RASGEF1A: variants seen among roughly 807,000 people sequenced by gnomAD.
RASGEF1A encodes the protein RasGEF domain family member 1A, also known as ras-GEF domain-containing family member 1A.
RASGEF1A carries 18 observed loss-of-function variants against 56.4 expected under a neutral mutation model. The ratio of observed to expected loss-of-function variants is 0.32; its 90% CI spans 0.22 to 0.47. The LOEUF is 0.47. Ranked by LOEUF, RASGEF1A falls within the 20% of genes least tolerant of loss-of-function variation. The probability of loss-of-function intolerance (pLI) is 1.00; values close to 1 mark genes in which losing one functional copy is unlikely to be tolerated. For missense variants in RASGEF1A, 422 were observed against 627.1 expected (o/e 0.67, Z 3.49); for synonymous variants, 245 against 242.6 (o/e 1.01, Z -0.09).
intron 1 of RASGEF1A, among the ~76,000 whole-genome samples, chr10:43,241,528 C>T (rs1187685055): frequency 6.6e-6 from 1 of 151,984 alleles, no homozygotes; most frequent in East Asian, 1.9e-4. Context: ...TATAACCCTA[C>T]AGGCAACAGG....
chr10:43,251,091 G>C (rs145690434), intron 1 of RASGEF1A, among the ~76,000 whole-genome samples: 2 of 152,228 alleles, frequency 1.3e-5, no homozygotes, highest in Non-Finnish European at 2.9e-5. Flanking sequence ...GATGGAGGCC[G>C]GGAAGGTGCC....
At chr10:43,208,811 G>C in intron 1 of RASGEF1A, 1 of 985,532 alleles carries the variant, frequency 1.0e-6, no homozygotes, top group Non-Finnish European at 1.2e-6. Context: ...CTTCGAGGAG[G>C]GTCTCCAGGG....
intron 1 of RASGEF1A, chr10:43,207,175 C>G (rs1388530464): frequency 1.0e-6 from 1 of 985,370 alleles, no homozygotes; most frequent in Non-Finnish European, 1.2e-6. Flanking sequence ...CAGAGCCAGC[C>G]TCAACCTCCT....
At chr10:43,200,939 AC>A in intron 4 of RASGEF1A, 51 bp from the exon 5 acceptor site, 1 of 1,523,010 alleles carries the variant, frequency 6.6e-7, no homozygotes, top group Non-Finnish European at 9.1e-7. Context: ...CAGCAAGGCC[AC>A]CACCACTGTG....
intron 1 of RASGEF1A, among the ~76,000 whole-genome samples, chr10:43,243,540 G>A (rs1258453810): frequency 6.7e-6 from 1 of 148,570 alleles, no homozygotes; most frequent in Non-Finnish European, 1.5e-5. Flanking sequence ...TGGGAAGTGG[G>A]TGCCTCTGCC....
At chr10:43,255,672 C>T (rs557048849) in intron 1 of RASGEF1A, among the ~76,000 whole-genome samples, 92 of 152,330 alleles carry the variant, frequency 6.0e-4, no homozygotes, top group Admixed American at 1.0e-3. Context: ...TCCAAGGACA[C>T]AGGACACTGG....
intron 1 of RASGEF1A, among the ~76,000 whole-genome samples, chr10:43,236,848 C>A (rs981025689): frequency 2.6e-5 from 4 of 152,166 alleles, no homozygotes; most frequent in African/African-American, 9.7e-5. Context: ...TGAGAGCTCA[C>A]ACCTGAGATC....
In RASGEF1A at chr10:43,203,388, G is replaced by C; in HGVS notation, c.231C>G (p.Ser77=). 3 of 1,585,426 alleles carry C rather than the reference G, an allele frequency of 1.9e-6. No homozygotes were observed. Among genetic ancestry groups the C allele is most frequent in the Non-Finnish European group, 2.6e-6 (3 of 1,165,884 alleles). Residue 77 remains serine, a synonymous_variant, in exon 3 of 13, where the codon TCC becomes TCG. Transcript: ENST00000395810. ...GGTCATGAGGGGGCATAAAGACCCG[G>C]GAGCTCAGGAGAAAGGTGAAGATGT... ...RTYIFTFLLS[S]RVFMPPHDLL... is the part of the protein sequence containing the mutation.
At chr10:43,198,676 T>G (rs572022769) in intron 9 of RASGEF1A, among the ~76,000 whole-genome samples, 2 of 152,264 alleles carry the variant, frequency 1.3e-5, no homozygotes, top group South Asian at 4.1e-4. Flanking sequence ...ACAACCCCAC[T>G]CTTGTCAAAC....
chr10:43,256,394 G>A (rs893961309), intron 1 of RASGEF1A, among the ~76,000 whole-genome samples: 1 of 152,202 alleles, frequency 6.6e-6, no homozygotes, highest in Non-Finnish European at 1.5e-5. Flanking sequence ...AGGGCTGAGC[G>A]GCTTGTCACA....
At chr10:43,258,834 A>C (rs1183466401) in intron 1 of RASGEF1A, among the ~76,000 whole-genome samples, 1 of 152,226 alleles carries the variant, frequency 6.6e-6, no homozygotes, top group East Asian at 1.9e-4. Context: ...GCAAGCTGGA[A>C]GAGCTCACTG....
At chr10:43,236,724 C>A (rs1240068788) in intron 1 of RASGEF1A, among the ~76,000 whole-genome samples, 2 of 152,252 alleles carry the variant, frequency 1.3e-5, no homozygotes, top group African/African-American at 4.8e-5. Context: ...TCCCTGCTCC[C>A]ACTAAGACTG....
intron 9 of RASGEF1A, 95 bp downstream of exon 9, chr10:43,198,838 G>C: frequency 1.7e-6 from 2 of 1,154,752 alleles, no homozygotes; most frequent in South Asian, 1.2e-5. Flanking sequence ...AGGGAGAGGA[G>C]GGCAGCCCCC....
intron 1 of RASGEF1A, among the ~76,000 whole-genome samples, chr10:43,226,670 T>C (rs1207776600): frequency 1.3e-5 from 2 of 152,082 alleles, no homozygotes; most frequent in Non-Finnish European, 2.9e-5. Context: ...AGGAACCAGC[T>C]CTGACCCCTG....
chr10:43,242,567 C>A (rs1282888567), intron 1 of RASGEF1A, among the ~76,000 whole-genome samples: 1 of 152,130 alleles, frequency 6.6e-6, no homozygotes, highest in Non-Finnish European at 1.5e-5. Flanking sequence ...CCGTCTCCCT[C>A]TCTTGCAGAG....
chr10:43,235,025 A>T (rs2503845), intron 1 of RASGEF1A, among the ~76,000 whole-genome samples: 66 of 152,178 alleles, frequency 4.3e-4, no homozygotes, highest in African/African-American at 1.4e-3. Context: ...GCTCCAGGGA[A>T]GGTTGTCTGG....
rs1839905582 is a variant in RASGEF1A at position 43,201,906 on chromosome 10, G to A, written c.361C>T (p.Leu121=). The A allele has an allele frequency of 1.9e-6, 3 of 1,611,710 alleles. No individual in the cohort carries two copies. Among genetic ancestry groups the A allele is most frequent in the Non-Finnish European group, 2.5e-6 (3 of 1,178,676 alleles). Residue 121 remains leucine (L), a synonymous_variant, in exon 4 of 13, where the codon CTG becomes TTG. Transcript: ENST00000395810. ...GGGAAGGCCTCGGTCCACTCCTTCA[G>A]GAGCTGCACGATCTTGGCTGAGAAA... The part of the protein sequence containing the change: ...KSFSAKIVQL[L]KEWTEAFPYD...
At chr10:43,241,125 T>A (rs893133773) in intron 1 of RASGEF1A, among the ~76,000 whole-genome samples, 2 of 152,312 alleles carry the variant, frequency 1.3e-5, no homozygotes, top group Admixed American at 1.3e-4. Context: ...TGAAATCATG[T>A]GAAAAAATAA....
At chr10:43,209,082 A>G (rs1220979969) in intron 1 of RASGEF1A, 4 of 985,324 alleles carry the variant, frequency 4.1e-6, no homozygotes, top group Non-Finnish European at 4.8e-6. Flanking sequence ...GGCAGCTGCA[A>G]ACCTGTGTAT....
Sources: gnomAD v4.1 joint callset for allele counts (sites outside exome capture counted in the v4.1 genomes callset) on GRCh38, gnomAD v4.1.1 for gene constraint, MANE v1.5 for transcripts, NCBI Gene and HGNC (gene_info 2026-07-23, HGNC 2026-07-21) for gene names.